The following KIAA0513 variants were observed in gnomAD, a reference collection of about 807,000 sequenced individuals.
KIAA0513 encodes uncharacterized protein KIAA0513.
Under a neutral mutation model 56.5 loss-of-function variants are expected in KIAA0513, and 39 were observed. The ratio of observed to expected loss-of-function variants is 0.69; its 90% confidence interval spans 0.53 to 0.90. The LOEUF (loss-of-function observed/expected upper bound fraction) is 0.90. Ranked by LOEUF, KIAA0513 falls within the 40% of genes least tolerant of loss-of-function variation. KIAA0513 has a pLI of 0.00. For synonymous variants in KIAA0513, 268 were observed against 215.6 expected, an observed-to-expected ratio of 1.24 and a Z score of -2.13; for missense variants, 591 against 535.2, an observed-to-expected ratio of 1.10 and a Z score of -1.03.
intron 1 of KIAA0513, among the ~76,000 whole-genome samples, chr16:85,042,526 C>A (rs2073117623): frequency 6.6e-6 from 1 of 152,142 alleles, no homozygotes. Flanking sequence ...TGCTCTGTAG[C>A]CTTAGGCAAC....
intron 10 of KIAA0513, among the ~76,000 whole-genome samples, chr16:85,083,515 T>C (rs2073772987): frequency 6.6e-6 from 1 of 152,180 alleles, no homozygotes; most frequent in South Asian, 2.1e-4. Flanking sequence ...GGTGACTGTG[T>C]GTTTAACCAG....
At chr16:85,063,825 C>T (rs2073440310) in intron 1 of KIAA0513, among the ~76,000 whole-genome samples, 1 of 151,926 alleles carries the variant, frequency 6.6e-6, no homozygotes, top group Non-Finnish European at 1.5e-5. Flanking sequence ...TCTCTCACTT[C>T]AGTATTCGCA....
chr16:85,075,937 T>G, intron 5 of KIAA0513, 23 bp downstream of exon 5: 2 of 1,564,006 alleles, frequency 1.3e-6, no homozygotes, highest in Non-Finnish European at 1.8e-6. Context: ...TGGGCTGATG[T>G]GGGGCTCACC....
At chr16:85,034,074 T>C (rs910747753) in intron 1 of KIAA0513, among the ~76,000 whole-genome samples, 2 of 152,172 alleles carry the variant, frequency 1.3e-5, no homozygotes, top group African/African-American at 4.8e-5. Flanking sequence ...AGATGACTTG[T>C]TTCCCATGTT....
chr16:85,067,704 T>C (rs1430084535), intron 2 of KIAA0513, among the ~76,000 whole-genome samples: 2 of 152,184 alleles, frequency 1.3e-5, no homozygotes, highest in Admixed American at 6.5e-5. Flanking sequence ...AGGGCAACCA[T>C]GCAGAGAATC....
chr16:85,072,435 A>G (rs972530739), intron 3 of KIAA0513, among the ~76,000 whole-genome samples: 2 of 152,200 alleles, frequency 1.3e-5, no homozygotes, highest in African/African-American at 4.8e-5. Flanking sequence ...TATATTAACA[A>G]AGTTTAGAAA....
chr16:85,091,866 T>G lies in KIAA0513; in HGVS notation c.*3541T>G, dbSNP rs1360979779. 6.6e-6 allele frequency: 1 copy of G among 152,072 alleles called. No individual in the cohort carries two copies. Among genetic ancestry groups the G allele is most frequent in the African/African-American group, 2.4e-5 (1 of 41,378 alleles). The allele number at this position is 152,072 out of a possible 1,614,324, so 9.4% of individuals were successfully genotyped here. ...AGTTTGTGAAAGGTTTCAGTCTAAC[T>G]GGGGTTCCTTAGCTGGAAGCCAGGG... On this transcript the variant is annotated 3_prime_UTR_variant, in exon 13 of 13. Transcript: ENST00000683363.
Position 85,076,117 on chromosome 16 carries a change from A to G in KIAA0513, c.574+203A>G, listed in dbSNP as rs1174150889. On this transcript the variant is annotated intron_variant, in intron 5 of 12. Transcript: ENST00000683363. The surrounding 1 kb of genome is among the most constrained non-coding windows in gnomAD (Gnocchi z 4.7). ...AGGAGGTTGACTGCCCAGGGTACGA[A>G]GGAAACTCTCCTGGGGCAGTAGGTT... 6.6e-6 allele frequency among the ~76,000 whole-genome samples: 1 copy of G among 150,982 alleles called. No homozygotes were observed. The highest frequency in any genetic ancestry group is 1.5e-5 in the Non-Finnish European group (1 of 68,028).
At chr16:85,065,317 G>A (rs928926153) in intron 1 of KIAA0513, among the ~76,000 whole-genome samples, 5 of 152,172 alleles carry the variant, frequency 3.3e-5, no homozygotes, top group African/African-American at 9.7e-5. Context: ...GGGAGACCCC[G>A]ACCGGCCACT....
At position 85,076,415 on chromosome 16, in the gene KIAA0513, C is replaced by T. The variant is rs1052105392; in HGVS notation, c.574+501C>T. Among the ~76,000 whole-genome samples the T allele has an allele frequency of 1.3e-5, 2 of 152,096 alleles. No individual in the cohort carries two copies. Among genetic ancestry groups the T allele is most frequent in the South Asian group, 2.1e-4 (1 of 4,820 alleles). ...GATGCTGAGGCTAGGACATCTCTTC[C>T]GCCTCATTGCGTTGGCACTTTCTCG... On this transcript the variant is annotated intron_variant, in intron 5 of 12. Transcript: ENST00000683363. This position sits in a 1 kb window ranked among gnomAD's most constrained non-coding sequence, Gnocchi z 4.7.
At chr16:85,073,178 G>A (rs1399394878) in intron 4 of KIAA0513, among the ~76,000 whole-genome samples, 180 bp downstream of exon 4, 5 of 152,144 alleles carry the variant, frequency 3.3e-5, no homozygotes, top group South Asian at 2.1e-4. Flanking sequence ...CCTCCATCTC[G>A]CGGGAGCAGG....
intron 4 of KIAA0513, among the ~76,000 whole-genome samples, chr16:85,074,217 CA>C (rs1567541091): frequency 1.3e-5 from 2 of 151,940 alleles, no homozygotes; most frequent in African/African-American, 4.8e-5. Context: ...TCAAGTGATT[CA>C]CTTGCTTCAG....
chr16:85,084,887 T>G (rs145237985), intron 10 of KIAA0513, among the ~76,000 whole-genome samples: 1,982 of 152,344 alleles, frequency 0.013, 28 homozygotes, highest in Non-Finnish European at 0.018. Context: ...AGAAGTGATT[T>G]TATCGTGGGC....
chr16:85,070,026 C>T (rs1385844574), intron 2 of KIAA0513, among the ~76,000 whole-genome samples: 1 of 151,538 alleles, frequency 6.6e-6, no homozygotes, highest in Non-Finnish European at 1.5e-5. Flanking sequence ...CAAAAATTAG[C>T]CAGGCATGGT....
Position 85,089,594 on chromosome 16 carries a change from C to T in KIAA0513, c.*1269C>T, listed in dbSNP as rs2073847617. The T allele has an allele frequency of 6.6e-6, 1 of 152,666 alleles. No individual in the cohort carries two copies. Among genetic ancestry groups the T allele is most frequent in the African/African-American group, 2.4e-5 (1 of 41,466 alleles). 9.5% of individuals were successfully genotyped at this position (152,666 alleles called of 1,614,324 possible). A position where few individuals can be genotyped will look rare whatever the true frequency, so the allele number is the denominator to read the frequency against. Reference sequence around the variant, plus strand: ...CCGCCTGGGGTCCCCTGCCTCCTGCCTGTCGCTGCCGTGGTCCCTGACTGC... The same window carrying T: ...CCGCCTGGGGTCCCCTGCCTCCTGCTTGTCGCTGCCGTGGTCCCTGACTGC... On this transcript the variant is annotated 3_prime_UTR_variant, in exon 13 of 13. Transcript: ENST00000683363. This position sits in a 1 kb window ranked among gnomAD's most constrained non-coding sequence, Gnocchi z 4.2.
chr16:85,032,301 C>A (rs2072976081), intron 1 of KIAA0513, among the ~76,000 whole-genome samples: 1 of 152,240 alleles, frequency 6.6e-6, no homozygotes, highest in Admixed American at 6.5e-5. Context: ...TAAAAGGGCA[C>A]CAGTCGGATT....
chr16:85,043,759 G>A (rs545183238), intron 1 of KIAA0513, among the ~76,000 whole-genome samples: 69 of 152,244 alleles, frequency 4.5e-4, no homozygotes, highest in African/African-American at 1.6e-3. Flanking sequence ...GAGTCCGGAC[G>A]CGGTGGCCCA....
chr16:85,072,873 G>C, intron 3 of KIAA0513, 52 bp from the exon 4 acceptor site: 1 of 1,537,398 alleles, frequency 6.5e-7, no homozygotes, highest in Non-Finnish European at 9.0e-7. Context: ...TTCACTGAGT[G>C]CTGCGTGTGT....
chr16:85,047,715 A>G (rs2073191038), intron 1 of KIAA0513, among the ~76,000 whole-genome samples: 1 of 152,086 alleles, frequency 6.6e-6, no homozygotes, highest in Non-Finnish European at 1.5e-5. Context: ...CTGTCTCAGA[A>G]CCAGGTGACC....
Sources: allele counts gnomAD v4.1 joint callset (sites outside exome capture counted in the v4.1 genomes callset), GRCh38; gene constraint gnomAD v4.1.1; non-coding constraint Gnocchi (gnomAD v3.1); transcripts MANE v1.5; gene names NCBI Gene and HGNC (gene_info 2026-07-23, HGNC 2026-07-21).